CALCRL: variants seen among roughly 807,000 people sequenced by gnomAD.
CALCRL encodes the protein calcitonin receptor like receptor.
A neutral mutation model predicts 60.4 loss-of-function variants in CALCRL; 27 were observed. The ratio of observed to expected loss-of-function variants is 0.45; its 90% CI spans 0.33 to 0.62. The LOEUF (loss-of-function observed/expected upper bound fraction) is 0.62. Among genes scored for constraint, CALCRL ranks in the 20% least tolerant of loss-of-function variants. The pLI is 0.03. For missense variants in CALCRL, 424 were observed against 540.7 expected (o/e 0.78, Z 2.14); for synonymous variants, 190 against 182.6 (o/e 1.04, Z -0.33).
intron 1 of CALCRL, among the ~76,000 whole-genome samples, chr2:187,405,239 A>C (rs1689065276): frequency 6.6e-6 from 1 of 152,030 alleles, no homozygotes; most frequent in African/African-American, 2.4e-5. Flanking sequence ...CAGTTAGAAG[A>C]CTTATAATTT....
chr2:187,391,061 G>T (rs1419354009), intron 1 of CALCRL, among the ~76,000 whole-genome samples: 2 of 152,156 alleles, frequency 1.3e-5, no homozygotes, highest in South Asian at 2.1e-4. Flanking sequence ...CAAGGCATGT[G>T]CATAATGCCA....
chr2:187,433,549 C>T (rs971344417), intron 1 of CALCRL, among the ~76,000 whole-genome samples: 2 of 151,706 alleles, frequency 1.3e-5, no homozygotes, highest in Admixed American at 1.3e-4. Context: ...ATTATTAAGC[C>T]CCAATGTGAA....
At chr2:187,444,737 T>A (rs1691090042) in intron 1 of CALCRL, among the ~76,000 whole-genome samples, 1 of 151,580 alleles carries the variant, frequency 6.6e-6, no homozygotes, top group South Asian at 2.1e-4. Context: ...GACCTTATTA[T>A]GTCCTTAAAA....
chr2:187,365,719 A>G (rs956031599), intron 8 of CALCRL, among the ~76,000 whole-genome samples: 7 of 152,262 alleles, frequency 4.6e-5, no homozygotes, highest in Admixed American at 3.9e-4. Context: ...CTATTCTGCC[A>G]TTAAAAAAAT....
At chr2:187,429,025 T>C (rs77342420) in intron 1 of CALCRL, 77 of 152,178 alleles carry the variant, frequency 5.1e-4, no homozygotes, top group African/African-American at 1.8e-3. Context: ...AATGCAAAAA[T>C]TGATCTATTA....
intron 1 of CALCRL, among the ~76,000 whole-genome samples, chr2:187,410,839 G>A (rs1474077829): frequency 6.6e-6 from 1 of 152,060 alleles, no homozygotes; most frequent in Non-Finnish European, 1.5e-5. Context: ...TGAGAGCATG[G>A]TTGAGGTAGT....
intron 1 of CALCRL, among the ~76,000 whole-genome samples, chr2:187,417,150 A>T (rs898430066): frequency 6.6e-6 from 1 of 152,102 alleles, no homozygotes; most frequent in Admixed American, 6.5e-5. Context: ...TGAATTTTAA[A>T]ATGTATTCCC....
chr2:187,440,766 A>C (rs916379854), intron 1 of CALCRL, among the ~76,000 whole-genome samples: 3 of 152,134 alleles, frequency 2.0e-5, no homozygotes, highest in South Asian at 2.1e-4. Flanking sequence ...TTCATTAAAT[A>C]TAAACATATA....
intron 1 of CALCRL, among the ~76,000 whole-genome samples, chr2:187,447,748 T>C (rs1691258934): frequency 6.6e-6 from 1 of 151,568 alleles, no homozygotes; most frequent in Non-Finnish European, 1.5e-5. Context: ...TAAAAGACAT[T>C]GTTCTGTGAT....
intron 8 of CALCRL, among the ~76,000 whole-genome samples, chr2:187,365,075 C>T (rs1687217221): frequency 6.6e-6 from 1 of 152,100 alleles, no homozygotes; most frequent in African/African-American, 2.4e-5. Flanking sequence ...ATCTTTGAAA[C>T]TTTTGAACAA....
chr2:187,443,016 A>T (rs1690992817), intron 1 of CALCRL, among the ~76,000 whole-genome samples: 1 of 151,904 alleles, frequency 6.6e-6, no homozygotes, highest in African/African-American at 2.4e-5. Context: ...ACATGTAAAG[A>T]AACGCAATAA....
intron 12 of CALCRL, 77 bp downstream of exon 12, chr2:187,358,986 G>T (rs1335841392): frequency 3.4e-5 from 40 of 1,172,894 alleles, no homozygotes; most frequent in Non-Finnish European, 6.4e-6. Flanking sequence ...GGACCCTGAA[G>T]GATACCATAG....
intron 1 of CALCRL, among the ~76,000 whole-genome samples, chr2:187,421,510 A>G (rs1240226177): frequency 6.6e-6 from 1 of 152,154 alleles, no homozygotes; most frequent in Non-Finnish European, 1.5e-5. Flanking sequence ...TAATTTGTCC[A>G]TGACTTCTGC....
At chr2:187,365,693 A>G (rs1236302939) in intron 8 of CALCRL, among the ~76,000 whole-genome samples, 2 of 152,200 alleles carry the variant, frequency 1.3e-5, no homozygotes, top group African/African-American at 4.8e-5. Context: ...ATGAAAGAAG[A>G]CTTTCAAAAA....
At chr2:187,358,223 G>A (rs902969124) in intron 12 of CALCRL, among the ~76,000 whole-genome samples, 4 of 150,464 alleles carry the variant, frequency 2.7e-5, no homozygotes, top group Non-Finnish European at 6.0e-5. Flanking sequence ...AAGCATAGTA[G>A]TGTATACGTA....
At chr2:187,441,102 AAAGT>A (rs901702103) in intron 1 of CALCRL, among the ~76,000 whole-genome samples, 61 of 152,118 alleles carry the variant, frequency 4.0e-4, no homozygotes, top group Non-Finnish European at 1.6e-4. Context: ...ATTTTTTGTC[AAAGT>A]AAGAAAGGTA....
intron 1 of CALCRL, among the ~76,000 whole-genome samples, chr2:187,389,410 G>A (rs1688343296): frequency 6.6e-6 from 1 of 152,022 alleles, no homozygotes; most frequent in African/African-American, 2.4e-5. Flanking sequence ...ATGTTTCTTA[G>A]TATGAATGAA....
intron 1 of CALCRL, among the ~76,000 whole-genome samples, chr2:187,434,254 G>T (rs1006317929): frequency 6.6e-6 from 1 of 152,046 alleles, no homozygotes; most frequent in African/African-American, 2.4e-5. Context: ...CCTAACCAAA[G>T]AGAGATACTT....
At position 187,363,245 on chromosome 2, in the gene CALCRL, A is replaced by T. The variant is rs906338354; in HGVS notation, c.627+131T>A. 8.3e-6 allele frequency: 7 copies of T among 840,922 alleles called. No individual in the cohort carries two copies. The African/African-American group carries it at 8.9e-5, about 11-fold the overall frequency. 52.1% of individuals were successfully genotyped at this position (840,922 alleles called of 1,614,324 possible). ...ATTCCCCAAGATATAAAGACTTGAA[A>T]ATATATATATATGTCAGACTTGAAA... On this transcript the variant is annotated intron_variant, in intron 9 of 14. Transcript: ENST00000392370.
Sources: allele counts gnomAD v4.1 joint callset (sites outside exome capture counted in the v4.1 genomes callset), GRCh38; gene constraint gnomAD v4.1.1; transcripts MANE v1.5; gene names NCBI Gene and HGNC (gene_info 2026-07-23, HGNC 2026-07-21).